SEMA3A: variants seen among roughly 807,000 people sequenced by gnomAD.
SEMA3A encodes semaphorin-3A.
A neutral mutation model predicts 97.9 loss-of-function variants in SEMA3A; 29 were observed. The ratio of observed to expected loss-of-function variants is 0.30; its 90% CI spans 0.22 to 0.40. The LOEUF is 0.40. Ranked by LOEUF, SEMA3A falls within the 10% of genes least tolerant of loss-of-function variation. The pLI is 1.00. For synonymous variants in SEMA3A, 321 were observed against 323.7 expected (o/e 0.99, Z 0.09); for missense variants, 763 against 951.3 (o/e 0.80, Z 2.60).
intron 3 of SEMA3A, among the ~76,000 whole-genome samples, chr7:84,122,538 A>G (rs80270098): frequency 0.021 from 3,212 of 152,230 alleles, 106 homozygotes; most frequent in African/African-American, 0.073. Flanking sequence ...AGGATTTTGA[A>G]ATGTAATGTA....
chr7:84,322,011 T>A (rs1441314852), intron 2 of SEMA3A, among the ~76,000 whole-genome samples: 2 of 150,164 alleles, frequency 1.3e-5, no homozygotes, highest in Non-Finnish European at 3.0e-5. Context: ...GGAAAACTTA[T>A]CATGGTGGAA....
chr7:84,436,333 T>C (rs1049071028), intron 1 of SEMA3A, among the ~76,000 whole-genome samples: 1 of 152,068 alleles, frequency 6.6e-6, no homozygotes, highest in Non-Finnish European at 1.5e-5. Context: ...TGATGAGTGG[T>C]ACCTAATTAA....
At chr7:84,400,913 C>G (rs1043140207) in intron 1 of SEMA3A, among the ~76,000 whole-genome samples, 1 of 152,158 alleles carries the variant, frequency 6.6e-6, no homozygotes, top group Non-Finnish European at 1.5e-5. Context: ...TGGCTAGCAT[C>G]ACACTGAATT....
At chr7:84,279,766 T>C (rs1052947078) in intron 3 of SEMA3A, among the ~76,000 whole-genome samples, 7 of 152,326 alleles carry the variant, frequency 4.6e-5, no homozygotes, top group African/African-American at 1.7e-4. Context: ...TTCTTGAAGT[T>C]AGTCAAATAC....
intron 1 of SEMA3A, among the ~76,000 whole-genome samples, chr7:84,180,831 G>C (rs970787852): frequency 3.9e-5 from 6 of 152,026 alleles, no homozygotes; most frequent in Non-Finnish European, 7.4e-5. Context: ...TTTCTTACAG[G>C]TCCTGGCTTA....
At chr7:84,197,840 A>T (rs1302058194), upstream of SEMA3A, among the ~76,000 whole-genome samples, 2 of 147,882 alleles carry the variant, frequency 1.4e-5, no homozygotes, top group African/African-American at 2.5e-5. Context: ...CCCGGGTTCA[A>T]GTAATTCTCC....
intron 1 of SEMA3A, among the ~76,000 whole-genome samples, chr7:84,409,897 T>C (rs557256444): frequency 6.6e-6 from 1 of 152,232 alleles, no homozygotes; most frequent in East Asian, 1.9e-4. Context: ...ACGTTTCTCC[T>C]ATTGTGAGGT....
Position 84,294,301 on chromosome 7 carries a change from T to C in SEMA3A, c.-83+12906A>G, listed in dbSNP as rs529303048. Among the ~76,000 whole-genome samples, 216 of 152,190 alleles carry C rather than the reference T, an allele frequency of 1.4e-3. 1 individual carries two copies. The highest frequency in any genetic ancestry group is 4.6e-3 in the African/African-American group (193 of 41,570). ...AAACACTGATTGGCTTCCCCACTTTTAATTTTCACTGACCTGAAGGAAGGA... is the reference window on the plus strand; with the variant it reads ...AAACACTGATTGGCTTCCCCACTTTCAATTTTCACTGACCTGAAGGAAGGA... On this transcript the variant is annotated intron_variant, in intron 3 of 3. Coordinates refer to the SEMA3A transcript ENST00000424555.
At chr7:84,273,765 T>C (rs754432193) in intron 3 of SEMA3A, among the ~76,000 whole-genome samples, 1 of 152,156 alleles carries the variant, frequency 6.6e-6, no homozygotes, top group Non-Finnish European at 1.5e-5. Context: ...TATATTTTTG[T>C]AGGCTCTTTG....
intron 1 of SEMA3A, among the ~76,000 whole-genome samples, chr7:84,182,987 A>C (rs35241002): frequency 0.063 from 9,637 of 152,228 alleles, 351 homozygotes; most frequent in African/African-American, 0.094. Flanking sequence ...AAGCAAGTAA[A>C]AGCTAGAGAA....
At chr7:84,398,767 C>T (rs1260679654) in intron 1 of SEMA3A, among the ~76,000 whole-genome samples, 3 of 151,660 alleles carry the variant, frequency 2.0e-5, no homozygotes, top group East Asian at 1.9e-4. Flanking sequence ...ATGATTGTGC[C>T]ACTGAACTCC....
chr7:84,338,086 C>G (rs1169131119), intron 2 of SEMA3A, among the ~76,000 whole-genome samples: 1 of 151,546 alleles, frequency 6.6e-6, no homozygotes, highest in Non-Finnish European at 1.5e-5. Flanking sequence ...ACACATATCT[C>G]TATACACATA....
chr7:84,018,367 C>T (rs1018628507), intron 6 of SEMA3A, among the ~76,000 whole-genome samples: 3 of 152,074 alleles, frequency 2.0e-5, no homozygotes, highest in African/African-American at 7.2e-5. Flanking sequence ...TTTATATTTT[C>T]ATTTATAAAA....
chr7:84,391,976 A>G (rs1482548816), intron 1 of SEMA3A, among the ~76,000 whole-genome samples: 1 of 151,268 alleles, frequency 6.6e-6, no homozygotes, highest in Non-Finnish European at 1.5e-5. Context: ...AAAAAAATCT[A>G]TTGAAAAATT....
chr7:84,316,130 C>CAAAAAAAAAAAAA (rs202005657), intron 2 of SEMA3A, among the ~76,000 whole-genome samples: 2 of 30,224 alleles, frequency 6.6e-5, no homozygotes, highest in Non-Finnish European at 7.4e-5. Context: ...GACTCTATCT[C>CAAAAAAAAAAAAA]AAAAAAAAAA....
At chr7:84,259,606 A>G (rs548766322) in intron 3 of SEMA3A, among the ~76,000 whole-genome samples, 1 of 152,260 alleles carries the variant, frequency 6.6e-6, no homozygotes, top group Non-Finnish European at 1.5e-5. Context: ...CTAGGTACTT[A>G]TTTTAGAAGA....
chr7:84,348,490 C>A lies in SEMA3A; in HGVS notation c.-169+23334G>T, dbSNP rs1394107309. Among the ~76,000 whole-genome samples the A allele has an allele frequency of 3.3e-5, 5 of 152,038 alleles. 1 individual carries two copies. The highest frequency in any genetic ancestry group is 1.3e-4 in the Admixed American group (2 of 15,264). On this transcript the variant is annotated intron_variant, in intron 2 of 3. Coordinates refer to the SEMA3A transcript ENST00000424555. ...ATAATTATCTTTTTCAGAAGAGAAA[C>A]AATCATTAAAACATAAGAAGGAATA...
Position 84,416,507 on chromosome 7 carries a change from A to G in SEMA3A, c.-245-44607T>C, listed in dbSNP as rs369959099. 4.0e-4 allele frequency among the ~76,000 whole-genome samples: 61 copies of G among 152,268 alleles called. 1 individual carries two copies. Among genetic ancestry groups the G allele is most frequent in the African/African-American group, 1.3e-3 (54 of 41,572 alleles). ...GTACTGCACTCACTTACCAAAACAT[A>G]CAATGTCTTTTGGTATTGGCTGGGC... On this transcript the variant is annotated intron_variant, in intron 1 of 3. Coordinates refer to the SEMA3A transcript ENST00000424555.
chr7:84,357,212 G>A (rs1394702663), intron 2 of SEMA3A, among the ~76,000 whole-genome samples: 1 of 151,506 alleles, frequency 6.6e-6, no homozygotes, highest in African/African-American at 2.4e-5. Context: ...CATGTGCCAT[G>A]TTGGTGTGCT....
Sources: gnomAD v4.1 joint callset for allele counts (sites outside exome capture counted in the v4.1 genomes callset) on GRCh38, gnomAD v4.1.1 for gene constraint, MANE v1.5 for transcripts, NCBI Gene and HGNC (gene_info 2026-07-23, HGNC 2026-07-21) for gene names.